CHST11: variants seen among roughly 807,000 people sequenced by gnomAD.
The protein encoded by CHST11 is C4S-1.
CHST11 carries 9 observed loss-of-function variants against 30.4 expected under a neutral mutation model. That is an observed-to-expected ratio of 0.30 (90% confidence interval 0.18 to 0.52). The LOEUF (loss-of-function observed/expected upper bound fraction) is 0.52. Among genes scored for constraint, CHST11 ranks in the 20% least tolerant of loss-of-function variants. The probability of loss-of-function intolerance (pLI) is 0.97; values close to 1 mark genes in which losing one functional copy is unlikely to be tolerated. For missense variants in CHST11, 348 were observed against 460.6 expected, an observed-to-expected ratio of 0.76 and a Z score of 2.24; for synonymous variants, 152 against 187.8, an observed-to-expected ratio of 0.81 and a Z score of 1.56.
chr12:104,757,997 G>A lies in CHST11; in HGVS notation c.*194G>A, dbSNP rs191791977. The A allele has an allele frequency of 3.2e-4, 198 of 616,170 alleles. 2 individuals are homozygous for A. In the East Asian group the frequency reaches 5.1e-3, roughly 16 times the overall value. The allele number at this position is 616,170 out of a possible 1,614,324, so 38.2% of individuals were successfully genotyped here. A position where few individuals can be genotyped will look rare whatever the true frequency, so the allele number is the denominator to read the frequency against. On this transcript the variant is annotated 3_prime_UTR_variant, in exon 3 of 3. Transcript: ENST00000303694. The surrounding 1 kb of genome is among the most constrained non-coding windows in gnomAD (Gnocchi z 6.5). ...CTTTGCAGGGGAAATAGGATGGGTC[G>A]TCCTTGTCTGTAGAAGTGAATACTG...
chr12:104,534,471 C>T (rs140114859), intron 1 of CHST11, among the ~76,000 whole-genome samples: 4 of 152,322 alleles, frequency 2.6e-5, no homozygotes, highest in African/African-American at 7.2e-5. Context: ...TTGCTGCTCA[C>T]GGTTCCCATT....
At chr12:104,517,721 C>T (rs1016261595) in intron 1 of CHST11, among the ~76,000 whole-genome samples, 1 of 152,140 alleles carries the variant, frequency 6.6e-6, no homozygotes, top group Admixed American at 6.5e-5. Context: ...CAAAAGCGAC[C>T]TGGGAACCTG....
intron 2 of CHST11, among the ~76,000 whole-genome samples, chr12:104,755,569 T>C (rs755870223): frequency 2.3e-4 from 35 of 152,120 alleles, no homozygotes; most frequent in Non-Finnish European, 4.4e-5. Context: ...GCCAATCACC[T>C]GAGGTCAGGA....
intron 1 of CHST11, among the ~76,000 whole-genome samples, chr12:104,563,709 G>C (rs2038535270): frequency 6.6e-6 from 1 of 151,982 alleles, no homozygotes; most frequent in Non-Finnish European, 1.5e-5. Context: ...GGGGTAGACT[G>C]TTGAGATGGT....
In CHST11 at chr12:104,757,778, T is replaced by C; in HGVS notation, c.1034T>C (p.Val345Ala). The C allele has an allele frequency of 4.3e-6, 7 of 1,612,182 alleles. No homozygotes were observed. The highest frequency in any genetic ancestry group is 5.9e-6 in the Non-Finnish European group (7 of 1,178,316). The change falls in exon 3 of 3, where the codon GTG (valine) becomes GCG (alanine). Residue 345 changes from valine (V) to alanine (A), a missense_variant. Transcript: ENST00000303694. The surrounding 1 kb of genome is among the most constrained non-coding windows in gnomAD (Gnocchi z 6.5). ...GATTTTTTAATGTTCAATTACTCAGTGCCAAGCTACCTGAAATTGGAATAA... is the reference window on the plus strand; with the variant it reads ...GATTTTTTAATGTTCAATTACTCAGCGCCAAGCTACCTGAAATTGGAATAA... The part of the protein sequence containing the change: ...KLDFLMFNYS[V>A]PSYLKLE
At chr12:104,652,016 A>G (rs1405947201) in intron 2 of CHST11, among the ~76,000 whole-genome samples, 2 of 152,214 alleles carry the variant, frequency 1.3e-5, no homozygotes, top group East Asian at 3.8e-4. Flanking sequence ...GACAAGGAAG[A>G]TACTTTTCCT....
At chr12:104,598,556 A>G (rs1462129383) in intron 1 of CHST11, among the ~76,000 whole-genome samples, 1 of 152,108 alleles carries the variant, frequency 6.6e-6, no homozygotes, top group Non-Finnish European at 1.5e-5. Flanking sequence ...CTTAACTTCC[A>G]TCTCCCCCTC....
rs1284725809 is a variant in CHST11 at position 104,458,628 on chromosome 12, G to GCTCCCTTTTACC, written c.118+1107_118+1118dup. Among the ~76,000 whole-genome samples the GCTCCCTTTTACC allele has an allele frequency of 6.6e-5, 10 of 152,230 alleles. No individual in the cohort carries two copies. Among genetic ancestry groups the GCTCCCTTTTACC allele is most frequent in the Non-Finnish European group, 1.3e-4 (9 of 68,036 alleles). The stretch of plus-strand genomic sequence containing the variant: ...CTCCCCGCCAAGCCGTGGCTCCCCT[G>GCTCCCTTTTACC]CTCCCTTTTACCCTCCCTTAGCAGC... On this transcript the variant is annotated intron_variant, in intron 1 of 2. Coordinates refer to ENST00000303694, the MANE Select transcript of CHST11 (RefSeq NM_018413.6). This position sits in a 1 kb window ranked among gnomAD's most constrained non-coding sequence, Gnocchi z 5.7.
intron 2 of CHST11, among the ~76,000 whole-genome samples, chr12:104,657,939 G>A (rs952425267): frequency 3.3e-5 from 5 of 152,192 alleles, no homozygotes; most frequent in East Asian, 1.9e-4. Flanking sequence ...TTCAGTTGAC[G>A]GAGGGGGATT....
At chr12:104,574,758 A>C (rs1271483573) in intron 1 of CHST11, among the ~76,000 whole-genome samples, 1 of 152,088 alleles carries the variant, frequency 6.6e-6, no homozygotes, top group Non-Finnish European at 1.5e-5. Flanking sequence ...ACCTAATGTA[A>C]ATGACGAGTT....
chr12:104,535,455 A>G (rs1052441495), intron 1 of CHST11, among the ~76,000 whole-genome samples: 1 of 152,186 alleles, frequency 6.6e-6, no homozygotes, highest in Non-Finnish European at 1.5e-5. Flanking sequence ...TAATATGTGC[A>G]TCCCAATGAG....
chr12:104,611,746 G>A (rs980733882), intron 2 of CHST11, among the ~76,000 whole-genome samples: 6 of 152,194 alleles, frequency 3.9e-5, no homozygotes, highest in Non-Finnish European at 7.3e-5. Flanking sequence ...GCTGATGCCC[G>A]ATGTTTCCCC....
At chr12:104,616,959 T>C in intron 2 of CHST11, among the ~76,000 whole-genome samples, 1 of 152,192 alleles carries the variant, frequency 6.6e-6, no homozygotes, top group East Asian at 1.9e-4. Context: ...GGTAGCATGC[T>C]TCTGCTTCCA....
At chr12:104,457,614 A>G (rs1449994325) in intron 1 of CHST11, 85 bp downstream of exon 1, 1 of 987,032 alleles carries the variant, frequency 1.0e-6, no homozygotes, top group East Asian at 2.4e-5. Flanking sequence ...TGCCTCTTCC[A>G]ACCCTACCTC....
intron 1 of CHST11, among the ~76,000 whole-genome samples, chr12:104,463,629 A>G (rs1246577204): frequency 6.6e-6 from 1 of 152,218 alleles, no homozygotes; most frequent in Non-Finnish European, 1.5e-5. Context: ...GAAGTGACAT[A>G]TATGGTATAT....
intron 1 of CHST11, among the ~76,000 whole-genome samples, chr12:104,558,317 T>G (rs1419088946): frequency 6.6e-6 from 1 of 152,096 alleles, no homozygotes; most frequent in Non-Finnish European, 1.5e-5. Flanking sequence ...TGCCTGGCTG[T>G]CTCCTAGGCC....
chr12:104,587,027 G>T (rs1004403611), intron 1 of CHST11, among the ~76,000 whole-genome samples: 2 of 152,136 alleles, frequency 1.3e-5, no homozygotes, highest in East Asian at 3.8e-4. Flanking sequence ...TGGGGTAGGG[G>T]CTGGTTCTCC....
In CHST11 at chr12:104,574,433, G is replaced by A. The variant is rs528371373; in HGVS notation, c.119-27473G>A. 9.2e-5 allele frequency among the ~76,000 whole-genome samples: 14 copies of A among 152,252 alleles called. No individual in the cohort carries two copies. In the East Asian group the frequency reaches 1.2e-3, roughly 13 times the overall value. On this transcript the variant is annotated intron_variant, in intron 1 of 2. Transcript: ENST00000303694. ...ACACATGTTAATTGTGGCACTATTC[G>A]CAATAGGAAAGACTTGGAGCCAACC...
chr12:104,722,435 T>G (rs2040185023), intron 2 of CHST11, among the ~76,000 whole-genome samples: 1 of 152,192 alleles, frequency 6.6e-6, no homozygotes, highest in South Asian at 2.1e-4. Context: ...ACCGTGGTTT[T>G]TAGTATATTT....
Sources: allele counts gnomAD v4.1 joint callset (sites outside exome capture counted in the v4.1 genomes callset), GRCh38; gene constraint gnomAD v4.1.1; non-coding constraint Gnocchi (gnomAD v3.1); transcripts MANE v1.5; gene names NCBI Gene and HGNC (gene_info 2026-07-23, HGNC 2026-07-21).